Variants in TYW1B observed in about 807,000 individuals in gnomAD.
TYW1B encodes S-adenosyl-L-methionine-dependent tRNA 4-demethylwyosine synthase TYW1B.
Under a neutral mutation model 86.9 loss-of-function variants are expected in TYW1B, and 73 were observed. The observed-to-expected ratio is 0.84, with a 90% CI of 0.70 to 1.02. TYW1B has a LOEUF of 1.02. Among genes scored for constraint, TYW1B ranks in the 50% least tolerant of loss-of-function variants. The pLI is 0.00. For synonymous variants in TYW1B, 248 were observed against 292.8 expected, an observed-to-expected ratio of 0.85 and a Z score of 1.56; for missense variants, 637 against 827.4, an observed-to-expected ratio of 0.77 and a Z score of 2.82.
In TYW1B at chr7:72,728,840, T is replaced by C; in HGVS notation, c.1174A>G (p.Met392Val). The C allele has an allele frequency of 6.2e-7, 1 of 1,613,708 alleles. No homozygotes were observed. Residue 392 changes from methionine (M) to valine (V), a missense_variant, in exon 9 of 14, where the codon ATG becomes GTG. By Grantham distance (21) the Met-to-Val change is conservative. Transcript: ENST00000620995. ...TAAATACCTTTAAACTGCTTAATCA[T>C]GTTCTGATGGTTTTCAATGGCTTCC... ...LKEAIENHQN[M>V]IKQFKGVPGV...
intron 13 of TYW1B, among the ~76,000 whole-genome samples, chr7:72,598,489 G>A (rs1279868268): frequency 1.3e-5 from 2 of 152,184 alleles, no homozygotes; most frequent in Admixed American, 6.5e-5. Context: ...ACAGAAAAGG[G>A]AGAGATGACA....
At chr7:72,594,253 C>G (rs188572843) in intron 13 of TYW1B, among the ~76,000 whole-genome samples, 8 of 151,122 alleles carry the variant, frequency 5.3e-5, no homozygotes, top group African/African-American at 1.9e-4. Context: ...ACAAAATTGA[C>G]AAACCTTTAG....
intron 8 of TYW1B, among the ~76,000 whole-genome samples, chr7:72,733,031 C>A (rs1183613883): frequency 6.6e-6 from 1 of 151,892 alleles, no homozygotes; most frequent in Non-Finnish European, 1.5e-5. Flanking sequence ...CACAACCTAC[C>A]AAGAATAAAC....
At chr7:72,769,036 C>T (rs1272313459) in intron 7 of TYW1B, 2 of 351,944 alleles carry the variant, frequency 5.7e-6, no homozygotes, top group Non-Finnish European at 1.1e-5. Flanking sequence ...TTAAAAGAAG[C>T]CTACTCTCAT....
intron 11 of TYW1B, among the ~76,000 whole-genome samples, chr7:72,661,224 T>C (rs1813321799): frequency 2.8e-5 from 1 of 35,826 alleles, no homozygotes. Context: ...TCTAGGGAGG[T>C]CTGGTGGGGG....
intron 11 of TYW1B, among the ~76,000 whole-genome samples, chr7:72,654,745 G>A (rs1204307433): frequency 5.3e-5 from 8 of 152,160 alleles, no homozygotes; most frequent in Non-Finnish European, 1.0e-4. Context: ...GCCAGGCGTG[G>A]TGGTTGACAC....
chr7:72,575,030 G>T lies in TYW1B; in HGVS notation c.*468C>A. 5 of 993,500 alleles carry T rather than the reference G, an allele frequency of 5.0e-6. No homozygotes were observed. The highest frequency in any genetic ancestry group is 6.0e-6 in the Non-Finnish European group (5 of 834,480). The allele number at this position is 993,500 out of a possible 1,614,324, so 61.5% of individuals were successfully genotyped here. A position where few individuals can be genotyped will look rare whatever the true frequency, so the allele number is the denominator to read the frequency against. On this transcript the variant is annotated 3_prime_UTR_variant, in exon 14 of 14. Transcript: ENST00000620995. The stretch of plus-strand genomic sequence containing the variant: ...GTGCTGTCTTAAGACAGAAGAAAGG[G>T]ATCAAGCTCTTATCTTAGAAAGCAC...
intron 13 of TYW1B, among the ~76,000 whole-genome samples, chr7:72,602,297 G>C (rs1811684891): frequency 6.6e-6 from 1 of 152,166 alleles, no homozygotes; most frequent in South Asian, 2.1e-4. Context: ...GAAGTAAATG[G>C]ATGGCTGAGG....
chr7:72,804,458 C>T (rs574965048), intron 5 of TYW1B, among the ~76,000 whole-genome samples: 14 of 152,164 alleles, frequency 9.2e-5, no homozygotes, highest in African/African-American at 2.6e-4. Flanking sequence ...GCCTGTCCTG[C>T]GCCAGATGAT....
intron 11 of TYW1B, among the ~76,000 whole-genome samples, chr7:72,660,327 T>C (rs184049230): frequency 4.0e-4 from 61 of 152,268 alleles, no homozygotes; most frequent in African/African-American, 1.4e-3. Context: ...TGAGCTGTGA[T>C]TGGGCCATTG....
intron 11 of TYW1B, among the ~76,000 whole-genome samples, chr7:72,648,545 A>AG: frequency 7.9e-6 from 1 of 127,342 alleles, no homozygotes; most frequent in African/African-American, 3.5e-5. Context: ...TCTGTCTCAG[A>AG]AAAAAAAAAA....
Position 72,574,858 on chromosome 7 carries a change from T to C in TYW1B, c.*640A>G. 1.0e-6 allele frequency: 1 copy of C among 985,742 alleles called. No individual in the cohort carries two copies. Among genetic ancestry groups the C allele is most frequent in the Non-Finnish European group, 1.2e-6 (1 of 830,190 alleles). The allele number at this position is 985,742 out of a possible 1,614,324, so 61.1% of individuals were successfully genotyped here. ...CCGCTCCAGCCCCGGTACTGCGGTC[T>C]GTGGTAATTTACATGGGAATGGGAT... On this transcript the variant is annotated 3_prime_UTR_variant, in exon 14 of 14. Transcript: ENST00000620995.
chr7:72,749,919 T>TG (rs1787470501), intron 7 of TYW1B, among the ~76,000 whole-genome samples: 2 of 149,176 alleles, frequency 1.3e-5, no homozygotes, highest in African/African-American at 4.9e-5. Context: ...TTTGTTTTTT[T>TG]TTTTTTTTTG....
At chr7:72,702,674 A>G (rs1814501964) in intron 10 of TYW1B, among the ~76,000 whole-genome samples, 1 of 152,130 alleles carries the variant, frequency 6.6e-6, no homozygotes, top group Non-Finnish European at 1.5e-5. Context: ...GGCATGAGCC[A>G]CTGCTCCCAG....
chr7:72,722,956 G>A (rs1225602585), intron 9 of TYW1B: 8 of 712,658 alleles, frequency 1.1e-5, no homozygotes, highest in Non-Finnish European at 1.8e-5. Context: ...TTACCAGCAG[G>A]CCTCCCCACC....
chr7:72,649,840 C>T (rs1813017759), intron 11 of TYW1B, among the ~76,000 whole-genome samples: 1 of 152,100 alleles, frequency 6.6e-6, no homozygotes, highest in Non-Finnish European at 1.5e-5. Context: ...AATACTCCCT[C>T]CCTGGAAAAT....
chr7:72,803,911 G>C (rs1328126866), intron 5 of TYW1B, among the ~76,000 whole-genome samples: 1 of 151,956 alleles, frequency 6.6e-6, no homozygotes, highest in South Asian at 2.1e-4. Context: ...ACCGTGCCCA[G>C]CTGATAAAGA....
At chr7:72,748,923 A>G (rs4103728) in intron 7 of TYW1B, among the ~76,000 whole-genome samples, 103,334 of 150,276 alleles carry the variant, frequency 0.69, 36,473 homozygotes, top group Non-Finnish European at 0.77. Flanking sequence ...AGGTTTTATC[A>G]GGTTAATATT....
chr7:72,703,560 G>C (rs1415395464), intron 10 of TYW1B, among the ~76,000 whole-genome samples: 1 of 151,792 alleles, frequency 6.6e-6, no homozygotes, highest in Non-Finnish European at 1.5e-5. Flanking sequence ...CTCTTGAAAA[G>C]AATTTGTATT....
Sources: allele counts gnomAD v4.1 joint callset (sites outside exome capture counted in the v4.1 genomes callset), GRCh38; gene constraint gnomAD v4.1.1; transcripts MANE v1.5; gene names NCBI Gene and HGNC (gene_info 2026-07-23, HGNC 2026-07-21).